The following SMIM3 variants were observed in gnomAD, a reference collection of about 807,000 sequenced individuals.
SMIM3 encodes small integral membrane protein 3.
SMIM3 carries 4 observed loss-of-function variants against 2.1 expected under a neutral mutation model. The observed-to-expected ratio is 1.89, with a 90% CI of 0.93 to 4.31. The LOEUF is 4.31. Among genes scored for constraint, SMIM3 ranks in the 30% most tolerant of loss-of-function variants. The pLI, the probability that SMIM3 is intolerant of heterozygous loss-of-function variation, is 0.01. For synonymous variants in SMIM3, 29 were observed against 30.8 expected (o/e 0.94, Z 0.19); for missense variants, 79 against 77.7 (o/e 1.02, Z -0.06).
At chr5:150,785,580 C>CTTTTTTTTT (rs35273478) in intron 1 of SMIM3, among the ~76,000 whole-genome samples, 2 of 113,736 alleles carry the variant, frequency 1.8e-5, no homozygotes, top group African/African-American at 3.0e-5. Context: ...TATTTCTTTT[C>CTTTTTTTTT]TTTTTTTTTT....
In SMIM3 at chr5:150,778,870, G is replaced by A. The variant is rs1017949280; in HGVS notation, c.-114G>A. The A allele has an allele frequency of 8.1e-6, 4 of 491,272 alleles. No individual in the cohort carries two copies. Among genetic ancestry groups the A allele is most frequent in the Non-Finnish European group, 4.2e-6 (1 of 238,920 alleles). 30.4% of individuals were successfully genotyped at this position (491,272 alleles called of 1,614,324 possible). ...GCCTAGGGCTGAGGTTCCAGGCCTG[G>A]GGGTCGCTTCCAGCTGCCAGATCCC... On this transcript the variant is annotated 5_prime_UTR_variant, in exon 1 of 2. Coordinates refer to ENST00000526627, the MANE Select transcript of SMIM3 (RefSeq NM_032947.5).
At chr5:150,790,001 G>A (rs1419601904) in intron 1 of SMIM3, among the ~76,000 whole-genome samples, 1 of 152,116 alleles carries the variant, frequency 6.6e-6, no homozygotes, top group Non-Finnish European at 1.5e-5. Flanking sequence ...TACAGTCTAG[G>A]ATACAGGTTA....
intron 1 of SMIM3, among the ~76,000 whole-genome samples, chr5:150,783,388 C>G (rs554157114): frequency 8.4e-4 from 128 of 152,368 alleles, no homozygotes; most frequent in Non-Finnish European, 1.6e-3. Flanking sequence ...CCCTCTAGTC[C>G]TGTGCCCTGG....
At chr5:150,782,726 AC>A (rs1208068622) in intron 1 of SMIM3, among the ~76,000 whole-genome samples, 1 of 152,212 alleles carries the variant, frequency 6.6e-6, no homozygotes, top group African/African-American at 2.4e-5. Flanking sequence ...AATCACTGGG[AC>A]TTTTGCAGGG....
intron 1 of SMIM3, among the ~76,000 whole-genome samples, chr5:150,785,586 T>C (rs890626389): frequency 2.5e-4 from 27 of 106,468 alleles, no homozygotes; most frequent in African/African-American, 1.5e-3. Context: ...TTTTCTTTTT[T>C]TTTTTTTTTT....
chr5:150,793,566 T>C lies in SMIM3; in HGVS notation c.-11-1864T>C, dbSNP rs139365030. 4.4e-3 allele frequency among the ~76,000 whole-genome samples: 663 copies of C among 152,088 alleles called. 4 individuals carry two copies. The highest frequency in any genetic ancestry group is 0.038 in the South Asian group (183 of 4,802). On this transcript the variant is annotated intron_variant, in intron 1 of 1. Coordinates refer to ENST00000526627, the MANE Select transcript of SMIM3 (RefSeq NM_032947.5). ...CAACAAAGCAAACAAAAACATGCAA[T>C]GGGGAAGTGACACCCTTTTCAACAA... is the stretch of plus-strand genomic sequence containing the variant.
intron 1 of SMIM3, among the ~76,000 whole-genome samples, chr5:150,783,553 G>A (rs1333313101): frequency 6.6e-6 from 1 of 152,276 alleles, no homozygotes; most frequent in African/African-American, 2.4e-5. Flanking sequence ...TCTGCCCAGA[G>A]TTCTGGCAGT....
intron 1 of SMIM3, among the ~76,000 whole-genome samples, chr5:150,788,394 G>A (rs1361652326): frequency 6.6e-6 from 1 of 151,908 alleles, no homozygotes; most frequent in Non-Finnish European, 1.5e-5. Flanking sequence ...CTCTCCTTTG[G>A]GAAACTGAGG....
chr5:150,787,663 A>G (rs898510514), intron 1 of SMIM3, among the ~76,000 whole-genome samples: 7 of 152,212 alleles, frequency 4.6e-5, no homozygotes, highest in African/African-American at 1.7e-4. Flanking sequence ...TAGCTGTAAA[A>G]TCCCCACATA....
chr5:150,783,844 C>A (rs1360907383), intron 1 of SMIM3, among the ~76,000 whole-genome samples: 1 of 151,596 alleles, frequency 6.6e-6, no homozygotes, highest in African/African-American at 2.4e-5. Flanking sequence ...ACTGTGGTTT[C>A]CTACATTGGG....
rs1753348720 is a variant in SMIM3 at position 150,791,424 on chromosome 5, C to G, written c.-11-4006C>G. ...CTCCCCATTCCCCCGACCTTCCAGCCTCTGGTGACCACCAGAGGCTTTGCT... is the reference window on the plus strand; with the variant it reads ...CTCCCCATTCCCCCGACCTTCCAGCGTCTGGTGACCACCAGAGGCTTTGCT... On this transcript the variant is annotated intron_variant, in intron 1 of 1. Transcript: ENST00000526627. 2.0e-5 allele frequency among the ~76,000 whole-genome samples: 3 copies of G among 152,024 alleles called. No individual in the cohort carries two copies. In the South Asian group the frequency reaches 6.2e-4, roughly 31 times the overall value.
At chr5:150,791,567 T>A (rs1329397852) in intron 1 of SMIM3, among the ~76,000 whole-genome samples, 1 of 152,238 alleles carries the variant, frequency 6.6e-6, no homozygotes, top group Non-Finnish European at 1.5e-5. Flanking sequence ...TCATCTATGT[T>A]GTCACAAATG....
intron 1 of SMIM3, among the ~76,000 whole-genome samples, chr5:150,789,762 A>G (rs1409225193): frequency 6.6e-5 from 10 of 152,180 alleles, no homozygotes; most frequent in Admixed American, 6.5e-4. Context: ...TTTGTGTGTT[A>G]TGGTGTAGTA....
intron 1 of SMIM3, among the ~76,000 whole-genome samples, chr5:150,790,145 C>T (rs1753335485): frequency 6.6e-6 from 1 of 152,108 alleles, no homozygotes; most frequent in African/African-American, 2.4e-5. Context: ...CCCCCTGGAC[C>T]TCAGTTTCAC....
chr5:150,794,990 A>G (rs1477472161), intron 1 of SMIM3, among the ~76,000 whole-genome samples: 1 of 152,118 alleles, frequency 6.6e-6, no homozygotes, highest in African/African-American at 2.4e-5. Flanking sequence ...TGCATCTCTC[A>G]TTTTATAGAT....
intron 1 of SMIM3, among the ~76,000 whole-genome samples, chr5:150,782,017 T>C (rs1381861683): frequency 2.0e-5 from 3 of 152,186 alleles, no homozygotes; most frequent in African/African-American, 7.2e-5. Context: ...TTGGTGTTTT[T>C]CCATTTTTCC....
chr5:150,782,579 C>T (rs1753246994), intron 1 of SMIM3, among the ~76,000 whole-genome samples: 1 of 152,206 alleles, frequency 6.6e-6, no homozygotes, highest in African/African-American at 2.4e-5. Context: ...AAGGCCAGTT[C>T]TCTTCTGCCT....
intron 1 of SMIM3, among the ~76,000 whole-genome samples, chr5:150,783,922 T>C (rs1753263335): frequency 7.9e-6 from 1 of 127,152 alleles, no homozygotes; most frequent in South Asian, 3.2e-4. Context: ...CCCTTTTTTT[T>C]TTTTTTTTTT....
intron 1 of SMIM3, among the ~76,000 whole-genome samples, chr5:150,782,472 A>G (rs574376443): frequency 1.2e-4 from 19 of 152,196 alleles, no homozygotes; most frequent in African/African-American, 4.6e-4. Flanking sequence ...TCCCCACCTC[A>G]GTCCCCAGCT....
Sources: allele counts gnomAD v4.1 joint callset (sites outside exome capture counted in the v4.1 genomes callset), GRCh38; gene constraint gnomAD v4.1.1; transcripts MANE v1.5; gene names NCBI Gene and HGNC (gene_info 2026-07-23, HGNC 2026-07-21).